FNDC3A: variants seen among roughly 807,000 people sequenced by gnomAD.
FNDC3A encodes the protein fibronectin type III domain containing 3A.
A neutral mutation model predicts 148.9 loss-of-function variants in FNDC3A; 32 were observed. The ratio of observed to expected loss-of-function variants is 0.21; its 90% CI spans 0.16 to 0.29. FNDC3A has a LOEUF of 0.29. FNDC3A is among the 10% of genes least tolerant of loss of function. The pLI, the probability that FNDC3A is intolerant of heterozygous loss-of-function variation, is 1.00. For missense variants in FNDC3A, 1,191 were observed against 1,452.8 expected (o/e 0.82, Z 2.93); for synonymous variants, 472 against 473.6 (o/e 1.00, Z 0.04).
Position 49,191,249 on chromosome 13 carries a change from C to T in FNDC3A, c.2091C>T (p.Tyr697=). 1 of 1,611,462 alleles carries T rather than the reference C, an allele frequency of 6.2e-7. No homozygotes were observed. The highest frequency in any genetic ancestry group is 8.5e-7 in the Non-Finnish European group (1 of 1,179,110). ...ATGGTGGATCACCCATTTCCTGTTA[C>T]AGTGTGGAAATGTCTCCTATAGAAA... ...LVDGGSPISC[Y]SVEMSPIEKD... Residue 697 remains tyrosine, a synonymous_variant, in exon 19 of 26, where the codon TAC becomes TAT. Transcript: ENST00000492622.
At chr13:49,071,432 T>G (rs891138903) in intron 2 of FNDC3A, among the ~76,000 whole-genome samples, 2 of 152,118 alleles carry the variant, frequency 1.3e-5, no homozygotes, top group Non-Finnish European at 2.9e-5. Flanking sequence ...TTCTATTGTT[T>G]GTGTTTTGAG....
chr13:49,109,979 G>A (rs1392168855), intron 3 of FNDC3A, among the ~76,000 whole-genome samples: 1 of 151,974 alleles, frequency 6.6e-6, no homozygotes, highest in Non-Finnish European at 1.5e-5. Flanking sequence ...GAAAATTAGC[G>A]GCAGGCTGCA....
chr13:49,009,464 C>T (rs557949712), intron 2 of FNDC3A, among the ~76,000 whole-genome samples: 5 of 152,242 alleles, frequency 3.3e-5, no homozygotes, highest in Admixed American at 6.5e-5. Flanking sequence ...TTTTAATTCA[C>T]GTGGATAAAT....
chr13:49,195,241 A>G (rs1370155266), intron 19 of FNDC3A, among the ~76,000 whole-genome samples: 6 of 152,228 alleles, frequency 3.9e-5, no homozygotes, highest in Non-Finnish European at 8.8e-5. Context: ...AAACAAAAGG[A>G]AACATTTACG....
At chr13:49,035,375 A>C (rs1874421840) in intron 2 of FNDC3A, among the ~76,000 whole-genome samples, 1 of 152,028 alleles carries the variant, frequency 6.6e-6, no homozygotes, top group Non-Finnish European at 1.5e-5. Flanking sequence ...ATGTGGGATA[A>C]TACCTCATTA....
At chr13:49,168,815 TAA>T (rs890944772) in intron 10 of FNDC3A, 64 bp downstream of exon 10, 3 of 1,439,906 alleles carry the variant, frequency 2.1e-6, no homozygotes, top group Non-Finnish European at 2.9e-6. Flanking sequence ...CTGGTAGTAT[TAA>T]GTTTCAATTG....
At chr13:49,076,007 C>T (rs1015444610) in intron 3 of FNDC3A, among the ~76,000 whole-genome samples, 2 of 152,012 alleles carry the variant, frequency 1.3e-5, no homozygotes, top group Non-Finnish European at 2.9e-5. Context: ...CTAGTTTATA[C>T]CTACTAGCCA....
At chr13:49,160,734 C>A (rs1171213371) in intron 8 of FNDC3A, among the ~76,000 whole-genome samples, 2 of 151,584 alleles carry the variant, frequency 1.3e-5, no homozygotes, top group Non-Finnish European at 2.9e-5. Context: ...TTAGATCTTT[C>A]CTGCTTTCTC....
At chr13:49,185,320 C>A (rs1885509692) in intron 14 of FNDC3A, among the ~76,000 whole-genome samples, 1 of 152,028 alleles carries the variant, frequency 6.6e-6, no homozygotes, top group African/African-American at 2.4e-5. Flanking sequence ...ACCAGCTTAA[C>A]TGGGTAATTC....
At chr13:49,012,819 G>GTC (rs1952380860) in intron 2 of FNDC3A, among the ~76,000 whole-genome samples, 1 of 151,198 alleles carries the variant, frequency 6.6e-6, no homozygotes. Context: ...GTGTGTGTGT[G>GTC]TGTGTGTGTG....
rs1025734126 is a variant in FNDC3A at position 49,208,232 on chromosome 13, T to C, written c.*837T>C. The C allele has an allele frequency of 7.9e-5, 12 of 152,418 alleles. No individual in the cohort carries two copies. Among genetic ancestry groups the C allele is most frequent in the African/African-American group, 2.7e-4 (11 of 41,448 alleles). 9.4% of individuals were successfully genotyped at this position (152,418 alleles called of 1,614,324 possible). On this transcript the variant is annotated 3_prime_UTR_variant, in exon 26 of 26. Coordinates refer to ENST00000492622, the MANE Select transcript of FNDC3A (RefSeq NM_001079673.2). Reference sequence around the variant, plus strand: ...ATGTATGTGTATAAGGGTATACACATACATATATGGCATATAACAAGTGTA... The same window carrying C: ...ATGTATGTGTATAAGGGTATACACACACATATATGGCATATAACAAGTGTA...
chr13:49,046,241 G>A (rs1449778300), intron 2 of FNDC3A: 1 of 156,552 alleles, frequency 6.4e-6, no homozygotes, highest in East Asian at 1.9e-4. Context: ...TTTGTAGCTT[G>A]CGATGCTTTG....
chr13:48,997,526 G>A (rs1952045062), intron 1 of FNDC3A, among the ~76,000 whole-genome samples: 1 of 152,096 alleles, frequency 6.6e-6, no homozygotes, highest in Non-Finnish European at 1.5e-5. Context: ...TTGGCTTAGA[G>A]GAGAGCATGA....
chr13:49,163,548 C>T (rs1260593942), intron 8 of FNDC3A, among the ~76,000 whole-genome samples: 2 of 152,176 alleles, frequency 1.3e-5, no homozygotes, highest in Non-Finnish European at 2.9e-5. Flanking sequence ...CATGGCTTCC[C>T]TTGGCTAGGA....
chr13:49,162,808 T>A (rs1476142071), intron 8 of FNDC3A, among the ~76,000 whole-genome samples: 1 of 152,172 alleles, frequency 6.6e-6, no homozygotes, highest in Non-Finnish European at 1.5e-5. Context: ...TGGATGTCCT[T>A]TTTGTTGATG....
intron 3 of FNDC3A, among the ~76,000 whole-genome samples, chr13:49,077,360 C>CT (rs779211073): frequency 3.3e-5 from 5 of 152,202 alleles, no homozygotes; most frequent in African/African-American, 7.2e-5. Flanking sequence ...TGAAAGAACT[C>CT]TAACACTTAC....
chr13:49,112,022 TTTC>T (rs1286573068), intron 3 of FNDC3A, among the ~76,000 whole-genome samples: 1 of 152,180 alleles, frequency 6.6e-6, no homozygotes, highest in Non-Finnish European at 1.5e-5. Context: ...TATATTCGTA[TTTC>T]TGGTAAAAGG....
intron 2 of FNDC3A, among the ~76,000 whole-genome samples, chr13:49,022,727 T>C (rs921662739): frequency 7.9e-5 from 12 of 152,174 alleles, no homozygotes; most frequent in Admixed American, 3.3e-4. Context: ...AGTGGTTTGC[T>C]AAATTTCTCA....
At chr13:48,977,001 C>G (rs1951616384) in intron 1 of FNDC3A, 1 of 152,096 alleles carries the variant, frequency 6.6e-6, no homozygotes, top group Non-Finnish European at 1.5e-5. Context: ...GTTAATTGTT[C>G]TTTTATTCAA....
Sources: allele counts gnomAD v4.1 joint callset (sites outside exome capture counted in the v4.1 genomes callset), GRCh38; gene constraint gnomAD v4.1.1; transcripts MANE v1.5; gene names NCBI Gene and HGNC (gene_info 2026-07-23, HGNC 2026-07-21).